The following BMPER variants were observed in gnomAD, a reference collection of about 807,000 sequenced individuals.
BMPER encodes BMP-binding endothelial regulator protein.
BMPER carries 45 observed loss-of-function variants against 87.3 expected under a neutral mutation model. The ratio of observed to expected loss-of-function variants is 0.52; its 90% CI spans 0.41 to 0.66. The LOEUF (loss-of-function observed/expected upper bound fraction) is 0.66. Among genes scored for constraint, BMPER ranks in the 30% least tolerant of loss-of-function variants. The pLI is 0.00. For synonymous variants in BMPER, 326 were observed against 316.2 expected, an observed-to-expected ratio of 1.03 and a Z score of -0.33; for missense variants, 784 against 867.5, an observed-to-expected ratio of 0.90 and a Z score of 1.21.
chr7:33,990,409 C>G (rs1221680041), intron 6 of BMPER, among the ~76,000 whole-genome samples: 1 of 138,332 alleles, frequency 7.2e-6, no homozygotes, highest in Non-Finnish European at 1.6e-5. Context: ...TGATTTGGCT[C>G]TCTGTTTGTC....
At chr7:33,950,077 TG>T (rs1337203748) in intron 3 of BMPER, among the ~76,000 whole-genome samples, 12 of 152,234 alleles carry the variant, frequency 7.9e-5, no homozygotes, top group Non-Finnish European at 1.8e-4. Context: ...TTTTAGATTT[TG>T]TAGACTTCTG....
Position 34,154,524 on chromosome 7 carries a change from GT to G in BMPER, c.*1253del, listed in dbSNP as rs1791264711. On this transcript the variant is annotated 3_prime_UTR_variant, in exon 15 of 15. Coordinates refer to ENST00000649409, the MANE Select transcript of BMPER (RefSeq NM_001365308.1). ...CATTTTCTCTCTCAAGATGTCCTGT[GT>G]TATACTTTACAATTAGTTGTATCAA... 1 of 152,132 alleles carries G rather than the reference GT, an allele frequency of 6.6e-6. No individual in the cohort carries two copies. The highest frequency in any genetic ancestry group is 1.5e-5 in the Non-Finnish European group (1 of 68,030). 9.4% of individuals were successfully genotyped at this position (152,132 alleles called of 1,614,324 possible).
At chr7:33,960,378 G>T (rs1785238346) in intron 3 of BMPER, among the ~76,000 whole-genome samples, 1 of 152,176 alleles carries the variant, frequency 6.6e-6, no homozygotes, top group African/African-American at 2.4e-5. Context: ...TGTTTCTGGA[G>T]AACAGTGTCT....
At chr7:34,064,284 C>CT (rs1788518048) in intron 11 of BMPER, among the ~76,000 whole-genome samples, 1 of 34,510 alleles carries the variant, frequency 2.9e-5, no homozygotes. Flanking sequence ...GAGCAAGACT[C>CT]TGTCAAAAAA....
intron 7 of BMPER, 103 bp downstream of exon 7, chr7:34,046,508 A>G: frequency 8.1e-7 from 1 of 1,239,128 alleles, no homozygotes; most frequent in Non-Finnish European, 1.2e-6. Context: ...AAGTTGTCCT[A>G]TTTCGTGGCT....
In BMPER at chr7:34,154,880, T is replaced by C. The variant is rs1791272789; in HGVS notation, c.*1607T>C. The stretch of plus-strand genomic sequence containing the variant: ...TGTGTTTGGATACTAATCACCCTCG[T>C]ATCTGCAGCCTGAGGTAGTCAGGTC... On this transcript the variant is annotated 3_prime_UTR_variant, in exon 15 of 15. Transcript: ENST00000649409. 1 of 152,104 alleles carries C rather than the reference T, an allele frequency of 6.6e-6. No individual in the cohort carries two copies. The highest frequency in any genetic ancestry group is 1.5e-5 in the Non-Finnish European group (1 of 68,032). The allele number at this position is 152,104 out of a possible 1,614,324, so 9.4% of individuals were successfully genotyped here.
intron 4 of BMPER, among the ~76,000 whole-genome samples, chr7:33,970,005 T>C (rs1785498750): frequency 6.6e-6 from 1 of 152,126 alleles, no homozygotes; most frequent in African/African-American, 2.4e-5. Context: ...AAAACAATTG[T>C]GAATGAGCAG....
chr7:33,905,001 A>G (rs1371314735), upstream of BMPER: 1 of 154,280 alleles, frequency 6.5e-6, no homozygotes, highest in African/African-American at 2.4e-5. Flanking sequence ...CTGGGCCGAG[A>G]GAGTTCCCGC....
intron 5 of BMPER, 52 bp from the exon 6 acceptor site, chr7:33,974,650 G>A (rs943357372): frequency 6.4e-7 from 1 of 1,555,918 alleles, no homozygotes; most frequent in African/African-American, 1.4e-5. Flanking sequence ...ATTGTGTCAG[G>A]TTGAACGATG....
chr7:34,152,843 TTTATC>T (rs1791211939), intron 14 of BMPER, among the ~76,000 whole-genome samples: 1 of 152,180 alleles, frequency 6.6e-6, no homozygotes, highest in East Asian at 1.9e-4. Flanking sequence ...ACATTTATAG[TTTATC>T]TTATCTAAGA....
At position 34,058,170 on chromosome 7, in the gene BMPER, T is replaced by C; in HGVS notation, c.1032+7T>C. 1 of 1,611,556 alleles carries C rather than the reference T, an allele frequency of 6.2e-7. No individual in the cohort carries two copies. The highest frequency in any genetic ancestry group is 8.5e-7 in the Non-Finnish European group (1 of 1,177,754). On this transcript the variant is annotated splice_region_variant and intron_variant, in intron 10 of 14. Coordinates refer to ENST00000649409, the MANE Select transcript of BMPER (RefSeq NM_001365308.1). ...CATCAGTAGCTGCCCACAGGTATGT[T>C]TGGAACACAGATTGACTTTACCTTA...
rs141823363 is a variant in BMPER at position 33,948,028 on chromosome 7, T to C, written c.319+10640T>C. 2.2e-3 allele frequency among the ~76,000 whole-genome samples: 337 copies of C among 152,354 alleles called. 1 individual carries two copies. The highest frequency in any genetic ancestry group is 0.017 in the Middle Eastern group (5 of 294). ...AGATGGAAAGATTGAGTTAGCCATG[T>C]GCCAGTCTGGTTGCTTACTTTTAAC... is the stretch of plus-strand genomic sequence containing the variant. On this transcript the variant is annotated intron_variant, in intron 3 of 14. Transcript: ENST00000649409.
rs75160512 is a variant in BMPER at position 33,942,634 on chromosome 7, A to G, written c.319+5246A>G. ...GAGAGAGGGTCGGCCTCCCTGTTGG[A>G]GAAATGAGAACCACATCCCACAGCT... On this transcript the variant is annotated intron_variant, in intron 3 of 14. Transcript: ENST00000649409. Among the ~76,000 whole-genome samples, 141 of 152,326 alleles carry G rather than the reference A, an allele frequency of 9.3e-4. 4 individuals are homozygous for G. The East Asian group carries it at 0.021, about 23-fold the overall frequency.
intron 2 of BMPER, among the ~76,000 whole-genome samples, chr7:33,917,734 C>T (rs577479259): frequency 1.6e-4 from 25 of 152,272 alleles, no homozygotes; most frequent in African/African-American, 6.0e-4. Flanking sequence ...CTTTCCAAAA[C>T]AACTCTTGTA....
rs543237178 is a variant in BMPER at position 33,946,417 on chromosome 7, A to G, written c.319+9029A>G. On this transcript the variant is annotated intron_variant, in intron 3 of 14. Coordinates refer to ENST00000649409, the MANE Select transcript of BMPER (RefSeq NM_001365308.1). ...CCTGGGAAGGCTTTCCAGAAGAGCA[A>G]TGCGTTTTTATGAACAAGTAAAAGG... Among the ~76,000 whole-genome samples the G allele has an allele frequency of 2.6e-5, 4 of 152,324 alleles. No individual in the cohort carries two copies. The East Asian group carries it at 5.8e-4, about 22-fold the overall frequency.
In BMPER at chr7:34,137,010, CG is replaced by C. The variant is rs1426837918; in HGVS notation, c.1746-6218del. Among the ~76,000 whole-genome samples the C allele has an allele frequency of 2.5e-4, 38 of 152,272 alleles. No homozygotes were observed. In the East Asian group the frequency reaches 7.3e-3, roughly 29 times the overall value. On this transcript the variant is annotated intron_variant, in intron 13 of 14. Transcript: ENST00000649409. ...AGCAGAGAGCAGAGGGGAAACCACT[CG>C]GATATGCTGTTGCTAGGAAGCATAG...
intron 11 of BMPER, among the ~76,000 whole-genome samples, chr7:34,065,199 A>ACTCTCTCTCTCTCTCTCTCT (rs372015069): frequency 4.6e-4 from 43 of 94,124 alleles, no homozygotes; most frequent in Admixed American, 7.0e-4. Flanking sequence ...ACACATACAC[A>ACTCTCTCTCTCTCTCTCTCT]CTCACTCTCT....
At chr7:33,916,059 C>T (rs928300256) in intron 2 of BMPER, among the ~76,000 whole-genome samples, 1 of 152,174 alleles carries the variant, frequency 6.6e-6, no homozygotes, top group African/African-American at 2.4e-5. Flanking sequence ...CATGGAATGA[C>T]TGCCTTTGCC....
intron 12 of BMPER, among the ~76,000 whole-genome samples, chr7:34,084,659 T>C (rs1038636634): frequency 1.3e-5 from 2 of 152,230 alleles, no homozygotes; most frequent in Non-Finnish European, 2.9e-5. Context: ...GCCTCTCCTT[T>C]CTTTTATGGG....
Sources: gnomAD v4.1 joint callset for allele counts (sites outside exome capture counted in the v4.1 genomes callset) on GRCh38, gnomAD v4.1.1 for gene constraint, MANE v1.5 for transcripts, NCBI Gene and HGNC (gene_info 2026-07-23, HGNC 2026-07-21) for gene names.